The following KIAA0232 variants were observed in gnomAD, a reference collection of about 807,000 sequenced individuals.
The protein encoded by KIAA0232 is uncharacterized protein KIAA0232.
Under a neutral mutation model 122.0 loss-of-function variants are expected in KIAA0232, and 27 were observed. The ratio of observed to expected loss-of-function variants is 0.22; its 90% CI spans 0.16 to 0.31. The LOEUF is 0.31. Ranked by LOEUF, KIAA0232 falls within the 10% of genes least tolerant of loss-of-function variation. The pLI, the probability that KIAA0232 is intolerant of heterozygous loss-of-function variation, is 1.00. For missense variants in KIAA0232, 1,551 were observed against 1,634.2 expected, an observed-to-expected ratio of 0.95 and a Z score of 0.88; for synonymous variants, 613 against 587.6, an observed-to-expected ratio of 1.04 and a Z score of -0.63.
chr4:6,851,331 G>A (rs1335925593), intron 4 of KIAA0232, among the ~76,000 whole-genome samples: 2 of 152,156 alleles, frequency 1.3e-5, no homozygotes, highest in Admixed American at 6.5e-5. Flanking sequence ...CCTTCAGGAA[G>A]TTTACTTGTT....
intron 1 of KIAA0232, among the ~76,000 whole-genome samples, chr4:6,790,961 C>G (rs1716867274): frequency 6.9e-6 from 1 of 145,910 alleles, no homozygotes; most frequent in Non-Finnish European, 1.5e-5. Flanking sequence ...CTCTGTCACC[C>G]AGGCTGGAGT....
chr4:6,790,067 T>A (rs1716822006), intron 1 of KIAA0232, among the ~76,000 whole-genome samples: 1 of 152,156 alleles, frequency 6.6e-6, no homozygotes, highest in South Asian at 2.1e-4. Flanking sequence ...ATTGTCAAAG[T>A]TTACACTATA....
intron 4 of KIAA0232, among the ~76,000 whole-genome samples, chr4:6,845,534 G>C (rs1308749182): frequency 6.6e-6 from 1 of 151,818 alleles, no homozygotes; most frequent in South Asian, 2.1e-4. Context: ...GGAGTAAATC[G>C]ATAATTTGTA....
At chr4:6,825,923 A>G (rs555968255) in intron 3 of KIAA0232, among the ~76,000 whole-genome samples, 1 of 152,282 alleles carries the variant, frequency 6.6e-6, no homozygotes, top group African/African-American at 2.4e-5. Context: ...AAAGTCCTAT[A>G]AATAACACAT....
At chr4:6,836,655 G>A (rs1450856261) in intron 3 of KIAA0232, among the ~76,000 whole-genome samples, 1 of 150,812 alleles carries the variant, frequency 6.6e-6, no homozygotes, top group Non-Finnish European at 1.5e-5. Context: ...ATAAACATGT[G>A]AACAAAGGTC....
At chr4:6,795,654 A>G (rs1022794873) in intron 1 of KIAA0232, among the ~76,000 whole-genome samples, 1 of 152,172 alleles carries the variant, frequency 6.6e-6, no homozygotes, top group Non-Finnish European at 1.5e-5. Context: ...GTGCGGTGGT[A>G]CATTCACAGC....
intron 3 of KIAA0232, among the ~76,000 whole-genome samples, chr4:6,834,864 AAG>A (rs1160463850): frequency 6.6e-6 from 1 of 152,220 alleles, no homozygotes; most frequent in African/African-American, 2.4e-5. Flanking sequence ...TTGAGTTTAA[AAG>A]AGAGTTGTTT....
intron 7 of KIAA0232, among the ~76,000 whole-genome samples, chr4:6,866,552 G>A (rs958070405): frequency 1.3e-5 from 2 of 152,130 alleles, no homozygotes; most frequent in Non-Finnish European, 2.9e-5. Context: ...TCTGAAAGGT[G>A]CTTTTAAGAG....
At chr4:6,784,368 C>G (rs747216842) in intron 1 of KIAA0232, among the ~76,000 whole-genome samples, 5 of 144,232 alleles carry the variant, frequency 3.5e-5, no homozygotes, top group Non-Finnish European at 7.5e-5. Flanking sequence ...TCTTCCTATG[C>G]AAAATAAGAC....
At chr4:6,805,126 A>G (rs1047474757) in intron 2 of KIAA0232, among the ~76,000 whole-genome samples, 13 of 152,244 alleles carry the variant, frequency 8.5e-5, no homozygotes, top group African/African-American at 3.1e-4. Context: ...GAAACTGTGT[A>G]GCAAGTTATC....
At chr4:6,815,636 A>G (rs1048967357) in intron 2 of KIAA0232, among the ~76,000 whole-genome samples, 6 of 152,214 alleles carry the variant, frequency 3.9e-5, no homozygotes, top group African/African-American at 1.4e-4. Flanking sequence ...AAAGTACTGC[A>G]TAGATGAATG....
chr4:6,857,090 A>C, intron 4 of KIAA0232, 74 bp from the exon 5 acceptor site: 1 of 1,100,498 alleles, frequency 9.1e-7, no homozygotes, highest in Non-Finnish European at 1.3e-6. Flanking sequence ...CCTGTGTATT[A>C]AAACAAAAGT....
Position 6,880,806 on chromosome 4 carries a change from C to A in KIAA0232, c.4028C>A (p.Ala1343Glu). ...TCTTAGGTGTCTTCTGTTTATGAAG[C>A]AAGATGTACAGGAGAGAGAGATTCT... ...DFNRVSSVYE[A>E]RCTGERDSGA... is the part of the protein sequence containing the mutation. Residue 1343 changes from alanine to glutamate, a missense_variant, in exon 10 of 10, where the codon GCA (alanine) becomes GAA (glutamate). Ala to Glu is a moderately radical substitution (Grantham distance 107). Coordinates refer to ENST00000307659, the MANE Select transcript of KIAA0232 (RefSeq NM_014743.3). 1 of 1,552,142 alleles carries A rather than the reference C, an allele frequency of 6.4e-7. No individual in the cohort carries two copies. Among genetic ancestry groups the A allele is most frequent in the South Asian group, 1.2e-5 (1 of 81,086 alleles).
At chr4:6,836,564 A>G (rs1032987907) in intron 3 of KIAA0232, among the ~76,000 whole-genome samples, 2 of 58,240 alleles carry the variant, frequency 3.4e-5, no homozygotes, top group African/African-American at 1.4e-4. Context: ...TTTTTTTAGT[A>G]TTTATTGATC....
chr4:6,795,744 C>T (rs1425118675), intron 1 of KIAA0232, among the ~76,000 whole-genome samples: 3 of 152,194 alleles, frequency 2.0e-5, no homozygotes, highest in Non-Finnish European at 4.4e-5. Context: ...AGGCATGCGC[C>T]ACTGCATCCA....
chr4:6,834,115 A>T (rs1481527932), intron 3 of KIAA0232, among the ~76,000 whole-genome samples: 1 of 151,974 alleles, frequency 6.6e-6, no homozygotes, highest in Non-Finnish European at 1.5e-5. Context: ...TATTTTAGAG[A>T]TAGGGTCTTG....
rs537122649 is a variant in KIAA0232 at position 6,796,512 on chromosome 4, G to A, written c.-353-8011G>A. ...CTGCCTTGGCCTCCCAAAGTGCTGG[G>A]ATTGCAGGCGTGAGCCACCACACCC... On this transcript the variant is annotated intron_variant, in intron 1 of 9. Transcript: ENST00000307659. 2.6e-5 allele frequency among the ~76,000 whole-genome samples: 4 copies of A among 152,326 alleles called. No homozygotes were observed. The East Asian group carries it at 7.7e-4, about 29-fold the overall frequency.
intron 4 of KIAA0232, among the ~76,000 whole-genome samples, chr4:6,847,163 G>A (rs1014023650): frequency 4.6e-5 from 7 of 152,160 alleles, no homozygotes; most frequent in African/African-American, 1.7e-4. Context: ...CTCATTATGT[G>A]TGTGGCTATT....
At chr4:6,852,981 C>A (rs1720375153) in intron 4 of KIAA0232, among the ~76,000 whole-genome samples, 1 of 152,200 alleles carries the variant, frequency 6.6e-6, no homozygotes, top group Admixed American at 6.5e-5. Flanking sequence ...TCATTGGGGG[C>A]CCCAGAGTAA....
Sources: allele counts gnomAD v4.1 joint callset (sites outside exome capture counted in the v4.1 genomes callset), GRCh38; gene constraint gnomAD v4.1.1; transcripts MANE v1.5; gene names NCBI Gene and HGNC (gene_info 2026-07-23, HGNC 2026-07-21).